The following FAF1 variants were observed in gnomAD, a reference collection of about 807,000 sequenced individuals.
The protein encoded by FAF1 is FAS-associated factor 1.
FAF1 carries 25 observed loss-of-function variants against 92.5 expected under a neutral mutation model. The ratio of observed to expected loss-of-function variants is 0.27; its 90% confidence interval spans 0.20 to 0.38. FAF1 has a LOEUF of 0.38. Ranked by LOEUF, FAF1 falls within the 10% of genes least tolerant of loss-of-function variation. The pLI is 1.00. For missense variants in FAF1, 636 were observed against 793.3 expected, an observed-to-expected ratio of 0.80 and a Z score of 2.38; for synonymous variants, 234 against 273.2, an observed-to-expected ratio of 0.86 and a Z score of 1.42.
At chr1:50,611,300 C>T (rs975447483) in intron 8 of FAF1, among the ~76,000 whole-genome samples, 1 of 152,064 alleles carries the variant, frequency 6.6e-6, no homozygotes, top group Admixed American at 6.5e-5. Context: ...TTTCCACTTA[C>T]AAACCAGAAA....
chr1:50,688,530 C>T (rs904896717), intron 7 of FAF1, among the ~76,000 whole-genome samples: 4 of 151,920 alleles, frequency 2.6e-5, no homozygotes, highest in Non-Finnish European at 5.9e-5. Context: ...AATAAAATTC[C>T]GGCCAGGCGC....
In FAF1 at chr1:50,881,895, T is replaced by C. The variant is rs116874533; in HGVS notation, c.46-23898A>G. ...CATTAATATGTGCATTGAAAACATA[T>C]ACAGGTAAAGCATAAATTTTTCAGC... is the stretch of plus-strand genomic sequence containing the variant. On this transcript the variant is annotated intron_variant, in intron 1 of 18. Transcript: ENST00000396153. 9.4e-4 allele frequency among the ~76,000 whole-genome samples: 143 copies of C among 152,298 alleles called. 1 individual carries two copies. The East Asian group carries it at 0.023, about 25-fold the overall frequency.
intron 18 of FAF1, chr1:50,471,089 G>A (rs906024951): frequency 2.0e-5 from 3 of 152,162 alleles, no homozygotes; most frequent in African/African-American, 4.8e-5. Flanking sequence ...AAACAAGAGC[G>A]GTTGCACAGC....
rs139855524 is a variant in FAF1, at chr1:50,815,607, CT to C, written c.115-13931del. On this transcript the variant is annotated intron_variant, in intron 2 of 18. Transcript: ENST00000396153. ...GTAGAACGGCAGTTCTTTTTAAGTTCTTTGAGAAATCTCTAAACTGCGTTCC... is the reference window on the plus strand; with the variant it reads ...GTAGAACGGCAGTTCTTTTTAAGTTCTTGAGAAATCTCTAAACTGCGTTCC... Among the ~76,000 whole-genome samples, 1,176 of 152,282 alleles carry C rather than the reference CT, an allele frequency of 7.7e-3. 13 individuals carry two copies. The highest frequency in any genetic ancestry group is 0.027 in the African/African-American group (1,136 of 41,564).
intron 8 of FAF1, among the ~76,000 whole-genome samples, chr1:50,602,391 T>C (rs748656982): frequency 6.6e-6 from 1 of 152,206 alleles, no homozygotes; most frequent in Non-Finnish European, 1.5e-5. Flanking sequence ...TGTCAAGATG[T>C]ATCCAACTGT....
intron 6 of FAF1, among the ~76,000 whole-genome samples, chr1:50,712,516 C>T (rs1226697300): frequency 6.6e-6 from 1 of 151,996 alleles, no homozygotes; most frequent in Non-Finnish European, 1.5e-5. Flanking sequence ...ATGAGCCAGG[C>T]GTGGTGGCAC....
At chr1:50,940,628 C>A (rs985490683) in intron 1 of FAF1, among the ~76,000 whole-genome samples, 1 of 152,108 alleles carries the variant, frequency 6.6e-6, no homozygotes, top group Non-Finnish European at 1.5e-5. Context: ...TGACAGTATG[C>A]CCAGAAAAAT....
At chr1:50,749,445 T>G (rs1174511677) in intron 4 of FAF1, among the ~76,000 whole-genome samples, 1 of 152,026 alleles carries the variant, frequency 6.6e-6, no homozygotes. Flanking sequence ...AAGAGAGGAA[T>G]AGAAAAAAAG....
At chr1:50,506,824 A>G (rs1008881011) in intron 15 of FAF1, among the ~76,000 whole-genome samples, 1 of 152,212 alleles carries the variant, frequency 6.6e-6, no homozygotes, top group Non-Finnish European at 1.5e-5. Flanking sequence ...AACAAGAGAA[A>G]AAAGGAAAAA....
Position 50,915,512 on chromosome 1 carries a change from GTTT to G in FAF1, c.45+44252_45+44254del, listed in dbSNP as rs1325333177. 1.3e-5 allele frequency among the ~76,000 whole-genome samples: 2 copies of G among 152,098 alleles called. 1 individual carries two copies. The highest frequency in any genetic ancestry group is 4.8e-5 in the African/African-American group (2 of 41,420). ...GACGAGTAGAAGATAAAACCTAACT[GTTT>G]ACAGAGATGATGTCTGGTAAATAAG... On this transcript the variant is annotated intron_variant, in intron 1 of 18. Coordinates refer to ENST00000396153, the MANE Select transcript of FAF1 (RefSeq NM_007051.3).
intron 1 of FAF1, among the ~76,000 whole-genome samples, chr1:50,860,889 A>C (rs143318164): frequency 1.4e-4 from 22 of 152,108 alleles, no homozygotes; most frequent in Non-Finnish European, 2.7e-4. Flanking sequence ...ACACTGTGGA[A>C]TACTATGCAG....
intron 8 of FAF1, among the ~76,000 whole-genome samples, chr1:50,637,320 G>A (rs1388222292): frequency 6.6e-6 from 1 of 150,746 alleles, no homozygotes; most frequent in Non-Finnish European, 1.5e-5. Context: ...AGGTATGGTG[G>A]CAGGCACCTG....
At chr1:50,774,219 G>T (rs1242324122) in intron 4 of FAF1, among the ~76,000 whole-genome samples, 2 of 152,040 alleles carry the variant, frequency 1.3e-5, no homozygotes, top group Non-Finnish European at 2.9e-5. Flanking sequence ...GTCATTTCAT[G>T]CTGATAGCAT....
chr1:50,795,880 C>T (rs1426645327), intron 3 of FAF1, among the ~76,000 whole-genome samples: 5 of 151,834 alleles, frequency 3.3e-5, no homozygotes. Flanking sequence ...TCCTGATTAC[C>T]AAGAAAAAAA....
At chr1:50,826,051 A>G (rs1644094141) in intron 2 of FAF1, among the ~76,000 whole-genome samples, 1 of 152,218 alleles carries the variant, frequency 6.6e-6, no homozygotes, top group Non-Finnish European at 1.5e-5. Flanking sequence ...CCTTAATGAT[A>G]CATATTAAGT....
intron 8 of FAF1, among the ~76,000 whole-genome samples, chr1:50,624,015 G>GAAGAAGA (rs971250203): frequency 1.6e-5 from 2 of 125,716 alleles, no homozygotes; most frequent in African/African-American, 3.5e-5. Flanking sequence ...GAAGAAAGAA[G>GAAGAAGA]AAGAAGAAAG....
chr1:50,831,930 TAG>T (rs1035879229), intron 2 of FAF1, among the ~76,000 whole-genome samples: 2 of 151,384 alleles, frequency 1.3e-5, no homozygotes, highest in East Asian at 1.9e-4. Context: ...GCAGGAGCAA[TAG>T]AGTTTCACAA....
rs1482589724 is a variant in FAF1 at position 50,802,953 on chromosome 1, T to C, written c.115-1276A>G. Among the ~76,000 whole-genome samples, 6 of 152,314 alleles carry C rather than the reference T, an allele frequency of 3.9e-5. 1 individual carries two copies. In the South Asian group the frequency reaches 1.2e-3, roughly 32 times the overall value. ...CATCGTACTGTTGAATGGAAATAAA[T>C]AGAGTGTAGGGTGTTTGCTATGAAT... is the stretch of plus-strand genomic sequence containing the variant. On this transcript the variant is annotated intron_variant, in intron 2 of 18. Coordinates refer to ENST00000396153, the MANE Select transcript of FAF1 (RefSeq NM_007051.3).
chr1:50,484,494 G>A (rs1387216451), intron 17 of FAF1, among the ~76,000 whole-genome samples: 1 of 151,906 alleles, frequency 6.6e-6, no homozygotes, highest in Non-Finnish European at 1.5e-5. Flanking sequence ...TTATGTATTG[G>A]CACCTACCTT....
Sources: allele counts gnomAD v4.1 joint callset (sites outside exome capture counted in the v4.1 genomes callset), GRCh38; gene constraint gnomAD v4.1.1; transcripts MANE v1.5; gene names NCBI Gene and HGNC (gene_info 2026-07-23, HGNC 2026-07-21).